Variants in UBTD1 observed in about 807,000 individuals in gnomAD.
UBTD1 encodes the protein ubiquitin domain containing 1.
In UBTD1, 19 loss-of-function variants were observed where a neutral mutation model predicts 21.7. The ratio of observed to expected loss-of-function variants is 0.87; its 90% CI spans 0.61 to 1.28. UBTD1 has a LOEUF of 1.28. UBTD1 is among the 50% of genes most tolerant of loss of function. The pLI, the probability that UBTD1 is intolerant of heterozygous loss-of-function variation, is 0.00. For missense variants in UBTD1, 282 were observed against 315.1 expected, an observed-to-expected ratio of 0.89 and a Z score of 0.80; for synonymous variants, 116 against 135.1, an observed-to-expected ratio of 0.86 and a Z score of 0.98.
At chr10:97,501,632 C>T (rs1484130246) in intron 1 of UBTD1, among the ~76,000 whole-genome samples, 4 of 152,120 alleles carry the variant, frequency 2.6e-5, no homozygotes, top group Non-Finnish European at 5.9e-5. Flanking sequence ...CAACAAAACA[C>T]CTTTCTGCAT....
chr10:97,542,672 G>A (rs1025704745), intron 1 of UBTD1, among the ~76,000 whole-genome samples: 6 of 152,208 alleles, frequency 3.9e-5, no homozygotes, highest in Admixed American at 1.3e-4. Context: ...GTCTGACTCC[G>A]AAGCCTGTGC....
chr10:97,522,185 C>T (rs982770840), intron 1 of UBTD1, among the ~76,000 whole-genome samples: 1 of 152,252 alleles, frequency 6.6e-6, no homozygotes, highest in African/African-American at 2.4e-5. Context: ...CCTGAAAGGT[C>T]ATGTCCAGCT....
rs960237280 is a variant in UBTD1 at position 97,499,069 on chromosome 10, G to A, written c.-135G>A. ...TTTTGGCGGAGCCATCGCTGGGGCT[G>A]AGCGCGCCCCCGGGGGGAGATCGGG... On this transcript the variant is annotated 5_prime_UTR_variant, in exon 1 of 3. Transcript: ENST00000370664. 8.6e-5 allele frequency: 87 copies of A among 1,016,272 alleles called. No homozygotes were observed. Among genetic ancestry groups the A allele is most frequent in the Non-Finnish European group, 1.0e-4 (74 of 723,750 alleles). The allele number at this position is 1,016,272 out of a possible 1,614,324, so 63.0% of individuals were successfully genotyped here.
At chr10:97,561,598 T>C (rs1157040284) in intron 1 of UBTD1, among the ~76,000 whole-genome samples, 4 of 152,178 alleles carry the variant, frequency 2.6e-5, no homozygotes. Flanking sequence ...TGTTCTTCTA[T>C]ACAATGTCTG....
chr10:97,532,891 T>C (rs2040539840), intron 1 of UBTD1, among the ~76,000 whole-genome samples: 1 of 152,150 alleles, frequency 6.6e-6, no homozygotes, highest in African/African-American at 2.4e-5. Flanking sequence ...TTATTTCCGG[T>C]GTGTCTCGGG....
intron 1 of UBTD1, among the ~76,000 whole-genome samples, chr10:97,565,187 G>C (rs1041498136): frequency 1.3e-5 from 2 of 152,066 alleles, no homozygotes; most frequent in Admixed American, 1.3e-4. Context: ...AATATTTTAC[G>C]GGGTTTGGCT....
chr10:97,515,846 C>A (rs946986), intron 1 of UBTD1, among the ~76,000 whole-genome samples: 6 of 152,052 alleles, frequency 3.9e-5, no homozygotes, highest in Non-Finnish European at 8.8e-5. Context: ...GGGATGGGGT[C>A]ACACGTGATG....
At chr10:97,528,498 C>T (rs1347498677) in intron 1 of UBTD1, among the ~76,000 whole-genome samples, 3 of 83,942 alleles carry the variant, frequency 3.6e-5, no homozygotes, top group South Asian at 9.8e-4. Flanking sequence ...CCTCACCTCC[C>T]GGACGGGGCG....
intron 2 of UBTD1, among the ~76,000 whole-genome samples, chr10:97,568,821 A>G (rs1305586842): frequency 6.6e-6 from 1 of 151,922 alleles, no homozygotes; most frequent in African/African-American, 2.4e-5. Context: ...AGAATCACAG[A>G]CTTGAGTTTC....
chr10:97,524,281 G>A (rs2040478201), intron 1 of UBTD1, among the ~76,000 whole-genome samples: 1 of 136,068 alleles, frequency 7.3e-6, no homozygotes, highest in African/African-American at 2.9e-5. Flanking sequence ...GTTTTTGTAG[G>A]GATGCGGGGG....
intron 1 of UBTD1, among the ~76,000 whole-genome samples, chr10:97,554,772 G>A (rs1457459750): frequency 1.3e-5 from 2 of 151,950 alleles, no homozygotes; most frequent in South Asian, 2.1e-4. Flanking sequence ...CAGGCTGATC[G>A]TGACCTCCTG....
At chr10:97,516,897 A>T (rs2040447078) in intron 1 of UBTD1, among the ~76,000 whole-genome samples, 1 of 151,826 alleles carries the variant, frequency 6.6e-6, no homozygotes, top group Non-Finnish European at 1.5e-5. Context: ...GGGTGCAGGG[A>T]GGGGAGGGCA....
At chr10:97,568,267 C>T (rs1452239806) in intron 2 of UBTD1, 126 bp downstream of exon 2, 3 of 940,534 alleles carry the variant, frequency 3.2e-6, no homozygotes, top group Non-Finnish European at 4.8e-6. Flanking sequence ...ATTCAAGCAC[C>T]CCTTACTGAG....
chr10:97,570,585 G>A lies in UBTD1; in HGVS notation c.*62G>A. ...AGCACTAGGCCCCCACCCTGCTGCTGCCTTCCAGTGCTGTCATTTTCTTCA... is the reference window on the plus strand; with the variant it reads ...AGCACTAGGCCCCCACCCTGCTGCTACCTTCCAGTGCTGTCATTTTCTTCA... On this transcript the variant is annotated 3_prime_UTR_variant, in exon 3 of 3. Transcript: ENST00000370664. The surrounding 1 kb of genome is among the most constrained non-coding windows in gnomAD (Gnocchi z 6.6). 1.3e-6 allele frequency: 2 copies of A among 1,518,734 alleles called. No homozygotes were observed. Among genetic ancestry groups the A allele is most frequent in the Non-Finnish European group, 1.8e-6 (2 of 1,125,470 alleles). 94.1% of individuals were successfully genotyped at this position (1,518,734 alleles called of 1,614,324 possible). A position where few individuals can be genotyped will look rare whatever the true frequency, so the allele number is the denominator to read the frequency against.
At position 97,507,838 on chromosome 10, in the gene UBTD1, T is replaced by C. The variant is rs537406451; in HGVS notation, c.70+8565T>C. Among the ~76,000 whole-genome samples, 18 of 149,182 alleles carry C rather than the reference T, an allele frequency of 1.2e-4. No homozygotes were observed. In the East Asian group the frequency reaches 3.0e-3, roughly 25 times the overall value. On this transcript the variant is annotated intron_variant, in intron 1 of 2. Coordinates refer to ENST00000370664, the MANE Select transcript of UBTD1 (RefSeq NM_024954.5). ...GCAGGAAAGGGGCTGGAACACCTTC[T>C]GCAAGGTGTGGGGAGGGAGACTGAA... is the stretch of plus-strand genomic sequence containing the variant.
At chr10:97,522,123 G>A (rs929901760) in intron 1 of UBTD1, among the ~76,000 whole-genome samples, 13 of 152,214 alleles carry the variant, frequency 8.5e-5, no homozygotes, top group Admixed American at 6.5e-4. Context: ...ACATAGACAA[G>A]ATCACCTCTT....
Position 97,570,643 on chromosome 10 carries a change from G to C in UBTD1, c.*120G>C. On this transcript the variant is annotated 3_prime_UTR_variant, in exon 3 of 3. Coordinates refer to ENST00000370664, the MANE Select transcript of UBTD1 (RefSeq NM_024954.5). This position sits in a 1 kb window ranked among gnomAD's most constrained non-coding sequence, Gnocchi z 6.6. Reference sequence around the variant, plus strand: ...TCCCCTCGGTGTGGCTGGTGGGTGAGCCGTGAAGGGACCCTGCCTTTCAGG... The same window carrying C: ...TCCCCTCGGTGTGGCTGGTGGGTGACCCGTGAAGGGACCCTGCCTTTCAGG... 7.8e-7 allele frequency: 1 copy of C among 1,276,956 alleles called. No homozygotes were observed. The highest frequency in any genetic ancestry group is 1.1e-6 in the Non-Finnish European group (1 of 926,952). The allele number at this position is 1,276,956 out of a possible 1,614,324, so 79.1% of individuals were successfully genotyped here.
chr10:97,539,066 C>G (rs760498686), intron 1 of UBTD1, among the ~76,000 whole-genome samples: 2 of 152,158 alleles, frequency 1.3e-5, no homozygotes, highest in Non-Finnish European at 2.9e-5. Flanking sequence ...GTTCAGGCAG[C>G]TGAGTTGGGT....
At chr10:97,499,694 C>A (rs2135645376) in intron 1 of UBTD1, among the ~76,000 whole-genome samples, 1 of 152,328 alleles carries the variant, frequency 6.6e-6, no homozygotes, top group South Asian at 2.1e-4. Context: ...AGAACAGTCG[C>A]TCCTTCCAAA....
Sources: gnomAD v4.1 joint callset for allele counts (sites outside exome capture counted in the v4.1 genomes callset) on GRCh38, gnomAD v4.1.1 for gene constraint, Gnocchi (gnomAD v3.1) non-coding constraint, MANE v1.5 for transcripts, NCBI Gene and HGNC (gene_info 2026-07-23, HGNC 2026-07-21) for gene names.